Variants in SLC25A46 observed in about 807,000 individuals in gnomAD.
SLC25A46 encodes the protein mitochondrial outer membrane protein SLC25A46.
Under a neutral mutation model 44.6 loss-of-function variants are expected in SLC25A46, and 39 were observed. The ratio of observed to expected loss-of-function variants is 0.87; its 90% CI spans 0.68 to 1.14. The LOEUF is 1.14. SLC25A46 is among the 50% of genes most tolerant of loss of function. SLC25A46 has a pLI of 0.00. For synonymous variants in SLC25A46, 202 were observed against 185.8 expected (o/e 1.09, Z -0.71); for missense variants, 547 against 522.7 (o/e 1.05, Z -0.45).
Position 110,762,804 on chromosome 5 carries a change from A to G in SLC25A46, c.*1022A>G, listed in dbSNP as rs978902575. On this transcript the variant is annotated 3_prime_UTR_variant, in exon 8 of 8. Transcript: ENST00000355943. ...TGGGAATTTGTGCCTCTTGTCTAGT[A>G]TATAGTCACCACTAAATAATGGCTT... 2.0e-5 allele frequency: 3 copies of G among 151,956 alleles called. No homozygotes were observed. Among genetic ancestry groups the G allele is most frequent in the East Asian group, 1.9e-4 (1 of 5,172 alleles). The allele number at this position is 151,956 out of a possible 1,614,324, so 9.4% of individuals were successfully genotyped here.
intron 5 of SLC25A46, among the ~76,000 whole-genome samples, chr5:110,752,566 C>T (rs547517551): frequency 6.6e-6 from 1 of 152,250 alleles, no homozygotes; most frequent in Admixed American, 6.5e-5. Context: ...TGTAGTTTTC[C>T]TCCAACGGTT....
intron 3 of SLC25A46, chr5:110,745,839 G>A (rs1275581831): frequency 3.3e-5 from 5 of 153,298 alleles, no homozygotes; most frequent in Admixed American, 2.6e-4. Context: ...CCATTAGAAT[G>A]TAATACATTC....
chr5:110,743,594 TATTTA>T (rs1416732366), intron 2 of SLC25A46, 131 bp from the exon 3 acceptor site: 26 of 495,252 alleles, frequency 5.2e-5, no homozygotes, highest in Admixed American at 1.5e-4. Context: ...TTTAAAGATC[TATTTA>T]ATTTGTTTAA....
intron 7 of SLC25A46, among the ~76,000 whole-genome samples, chr5:110,757,528 C>T (rs1800149286): frequency 6.6e-6 from 1 of 152,056 alleles, no homozygotes; most frequent in Admixed American, 6.6e-5. Context: ...TCAGCCTTTG[C>T]TCTTCTAATT....
At chr5:110,756,802 GT>G (rs557671792) in intron 7 of SLC25A46, 43 bp downstream of exon 7, 14,041 of 1,392,844 alleles carry the variant, frequency 0.01, 97 homozygotes, top group Middle Eastern at 0.015. Flanking sequence ...TTTAAGAATA[GT>G]TTTTTGACTA....
chr5:110,738,251 G>A (rs76417911), upstream of SLC25A46: 113 of 1,286,838 alleles, frequency 8.8e-5, no homozygotes, highest in East Asian at 5.9e-3. Context: ...AAAACAGGTA[G>A]TAGGGGACGC....
intron 5 of SLC25A46, chr5:110,754,233 C>T (rs1425149749): frequency 6.6e-6 from 1 of 151,020 alleles, no homozygotes; most frequent in Admixed American, 6.6e-5. Context: ...GTAGCCATAG[C>T]CATGATGGAA....
chr5:110,763,993 C>G lies in SLC25A46; in HGVS notation c.*2211C>G, dbSNP rs567738311. On this transcript the variant is annotated 3_prime_UTR_variant, in exon 8 of 8. Transcript: ENST00000355943. ...AGATAACTGTAAGATACGCTCGTTCCCTTTTAAAAATTGTTATTTTTCTTT... is the reference window on the plus strand; with the variant it reads ...AGATAACTGTAAGATACGCTCGTTCGCTTTTAAAAATTGTTATTTTTCTTT... 3 of 151,692 alleles carry G rather than the reference C, an allele frequency of 2.0e-5. No homozygotes were observed. The highest frequency in any genetic ancestry group is 7.3e-5 in the African/African-American group (3 of 41,350). 9.4% of individuals were successfully genotyped at this position (151,692 alleles called of 1,614,324 possible). A position where few individuals can be genotyped will look rare whatever the true frequency, so the allele number is the denominator to read the frequency against.
chr5:110,762,756 A>C lies in SLC25A46; in HGVS notation c.*974A>C, dbSNP rs990484847. On this transcript the variant is annotated 3_prime_UTR_variant, in exon 8 of 8. Coordinates refer to ENST00000355943, the MANE Select transcript of SLC25A46 (RefSeq NM_138773.4). ...TTTATTTCTGAATGGCTTGTCTGAG[A>C]GGAAACAAAATTAAAATTCATCTGG... The C allele has an allele frequency of 1.3e-5, 2 of 151,930 alleles. No homozygotes were observed. The highest frequency in any genetic ancestry group is 2.4e-5 in the African/African-American group (1 of 41,410). The allele number at this position is 151,930 out of a possible 1,614,324, so 9.4% of individuals were successfully genotyped here.
chr5:110,745,252 C>CTTTTT (rs377434598), intron 3 of SLC25A46, among the ~76,000 whole-genome samples: 1 of 147,570 alleles, frequency 6.8e-6, no homozygotes, highest in African/African-American at 2.5e-5. Flanking sequence ...TTATAACCCA[C>CTTTTT]TTTTTTTTTT....
At chr5:110,749,311 T>C (rs1479985770) in intron 5 of SLC25A46, among the ~76,000 whole-genome samples, 6 of 151,858 alleles carry the variant, frequency 4.0e-5, no homozygotes, top group Non-Finnish European at 5.9e-5. Flanking sequence ...TCATATTTGG[T>C]TGGAACCATG....
intron 7 of SLC25A46, among the ~76,000 whole-genome samples, chr5:110,760,114 T>C (rs1800213104): frequency 6.6e-6 from 1 of 152,144 alleles, no homozygotes; most frequent in Non-Finnish European, 1.5e-5. Context: ...AAATTGCTAC[T>C]CTGGCAATTT....
chr5:110,751,372 C>T (rs1799965789), intron 5 of SLC25A46, among the ~76,000 whole-genome samples: 3 of 152,120 alleles, frequency 2.0e-5, no homozygotes, highest in Admixed American at 6.6e-5. Flanking sequence ...TAACATGACA[C>T]TTAAGGTAGA....
In SLC25A46 at chr5:110,762,276, TA is replaced by T. The variant is rs1161204591; in HGVS notation, c.*495del. The T allele has an allele frequency of 1.3e-5, 2 of 153,898 alleles. No homozygotes were observed. Among genetic ancestry groups the T allele is most frequent in the Admixed American group, 6.4e-5 (1 of 15,520 alleles). 9.5% of individuals were successfully genotyped at this position (153,898 alleles called of 1,614,324 possible). ...TATTGAAAAAGACTTAAGGGATGATTAGACTTGGCAATCTGTAAGCAGGAGT... is the reference window on the plus strand; with the variant it reads ...TATTGAAAAAGACTTAAGGGATGATTGACTTGGCAATCTGTAAGCAGGAGT... On this transcript the variant is annotated 3_prime_UTR_variant, in exon 8 of 8. Transcript: ENST00000355943.
rs560033851 is a variant in SLC25A46 at position 110,739,038 on chromosome 5, G to C, written c.-82G>C. 6.8e-7 allele frequency: 1 copy of C among 1,479,438 alleles called. No homozygotes were observed. The highest frequency in any genetic ancestry group is 8.9e-7 in the Non-Finnish European group (1 of 1,124,896). The allele number at this position is 1,479,438 out of a possible 1,614,324, so 91.6% of individuals were successfully genotyped here. On this transcript the variant is annotated 5_prime_UTR_variant, in exon 1 of 8. Coordinates refer to ENST00000355943, the MANE Select transcript of SLC25A46 (RefSeq NM_138773.4). ...TACCCCTGACGCGGCGGCGGCCGAC[G>C]GGAAGCTGTGTGTGCTTAGGTCGTG... is the stretch of plus-strand genomic sequence containing the variant.
At chr5:110,738,911 G>A (rs1799502719), upstream of SLC25A46, 13 of 1,337,866 alleles carry the variant, frequency 9.7e-6, no homozygotes, top group Non-Finnish European at 1.2e-5. Context: ...TTACCGCCGC[G>A]TCTCCCTAGC....
rs1170834096 is a variant in SLC25A46 at position 110,739,073 on chromosome 5, G to A, written c.-47G>A. Reference sequence around the variant, plus strand: ...GTGTGCTTAGGTCGTGGTGGCCCCGGTGGTGGTGGGCTCCGGGCGGGCTCG... The same window carrying A: ...GTGTGCTTAGGTCGTGGTGGCCCCGATGGTGGTGGGCTCCGGGCGGGCTCG... On this transcript the variant is annotated 5_prime_UTR_variant, in exon 1 of 8. The change creates a new upstream start codon in the 5' untranslated region. Transcript: ENST00000355943. 1 of 1,532,224 alleles carries A rather than the reference G, an allele frequency of 6.5e-7. No homozygotes were observed. Among genetic ancestry groups the A allele is most frequent in the African/African-American group, 1.4e-5 (1 of 72,424 alleles). The allele number at this position is 1,532,224 out of a possible 1,614,324, so 94.9% of individuals were successfully genotyped here.
chr5:110,764,467 G>A lies in SLC25A46; in HGVS notation c.*2685G>A, dbSNP rs962845429. ...AGTAAAAACAAGGTCACTTGAAAATGGGTATTTAATACCTTAGCTGGTGTT... is the reference window on the plus strand; with the variant it reads ...AGTAAAAACAAGGTCACTTGAAAATAGGTATTTAATACCTTAGCTGGTGTT... On this transcript the variant is annotated 3_prime_UTR_variant, in exon 8 of 8. Coordinates refer to ENST00000355943, the MANE Select transcript of SLC25A46 (RefSeq NM_138773.4). 6.6e-6 allele frequency: 1 copy of A among 151,790 alleles called. No homozygotes were observed. The highest frequency in any genetic ancestry group is 2.1e-4 in the South Asian group (1 of 4,824). 9.4% of individuals were successfully genotyped at this position (151,790 alleles called of 1,614,324 possible).
chr5:110,755,698 A>T (rs1344002656), intron 6 of SLC25A46, among the ~76,000 whole-genome samples, 177 bp downstream of exon 6: 1 of 152,168 alleles, frequency 6.6e-6, no homozygotes, highest in East Asian at 1.9e-4. Flanking sequence ...ATCCTGAAAT[A>T]TATATTATCT....
Sources: gnomAD v4.1 joint callset for allele counts (sites outside exome capture counted in the v4.1 genomes callset) on GRCh38, gnomAD v4.1.1 for gene constraint, MANE v1.5 for transcripts, NCBI Gene and HGNC (gene_info 2026-07-23, HGNC 2026-07-21) for gene names.